Variants in ATP6V0A4 observed in about 807,000 individuals in gnomAD.
ATP6V0A4 encodes V-type proton ATPase 116 kDa subunit a 4.
A neutral mutation model predicts 107.3 loss-of-function variants in ATP6V0A4; 86 were observed. That is an observed-to-expected ratio of 0.80 (90% confidence interval 0.67 to 0.96). The LOEUF (loss-of-function observed/expected upper bound fraction) is 0.96. Among genes scored for constraint, ATP6V0A4 ranks in the 40% least tolerant of loss-of-function variants. The pLI, the probability that ATP6V0A4 is intolerant of heterozygous loss-of-function variation, is 0.00. For synonymous variants in ATP6V0A4, 353 were observed against 381.4 expected (o/e 0.93, Z 0.87); for missense variants, 908 against 1,045.6 (o/e 0.87, Z 1.81).
At chr7:138,769,477 G>A (rs542834157) in intron 3 of ATP6V0A4, among the ~76,000 whole-genome samples, 1 of 152,004 alleles carries the variant, frequency 6.6e-6, no homozygotes, top group Admixed American at 6.6e-5. Flanking sequence ...ACCACGCCTG[G>A]CTAATTTTTG....
chr7:138,757,319 C>G (rs757944389), intron 8 of ATP6V0A4, among the ~76,000 whole-genome samples: 16 of 152,032 alleles, frequency 1.1e-4, no homozygotes, highest in Non-Finnish European at 1.6e-4. Flanking sequence ...GGTTCAAGAC[C>G]AGCCTGGGCA....
intron 2 of ATP6V0A4, among the ~76,000 whole-genome samples, chr7:138,785,190 T>G (rs999956612): frequency 2.0e-5 from 3 of 152,340 alleles, no homozygotes; most frequent in African/African-American, 7.2e-5. Context: ...CATCTGATTT[T>G]TCTGAACTGA....
chr7:138,794,874 C>T (rs1029359622), intron 1 of ATP6V0A4, among the ~76,000 whole-genome samples: 3 of 150,006 alleles, frequency 2.0e-5, no homozygotes, highest in Admixed American at 6.8e-5. Flanking sequence ...TAATAGTTAT[C>T]ATTGGCCAGT....
At position 138,773,447 on chromosome 7, in the gene ATP6V0A4, C is replaced by A. The variant is rs941211033; in HGVS notation, c.-17-2183G>T. Among the ~76,000 whole-genome samples, 1 of 152,148 alleles carries A rather than the reference C, an allele frequency of 6.6e-6. No homozygotes were observed. The stretch of plus-strand genomic sequence containing the variant: ...TCCAGCTCCCTCAAGGAGCTAAGCC[C>A]CCTCCTACATGCCCCCAGAAGAGCA... On this transcript the variant is annotated intron_variant, in intron 2 of 21. Transcript: ENST00000310018. The surrounding 1 kb of genome is among the most constrained non-coding windows in gnomAD (Gnocchi z 5.4).
At chr7:138,706,889 A>AATTTTTTTTTTTTT in intron 21 of ATP6V0A4, 172 bp from the exon 22 acceptor site, 1 of 207,152 alleles carries the variant, frequency 4.8e-6, no homozygotes, top group South Asian at 2.0e-4. Flanking sequence ...AATCCTGAGG[A>AATTTTTTTTTTTTT]TTTTTTTTTT....
chr7:138,782,936 G>A (rs747446340), intron 2 of ATP6V0A4, among the ~76,000 whole-genome samples: 2 of 152,030 alleles, frequency 1.3e-5, no homozygotes, highest in African/African-American at 2.4e-5. Context: ...TTAGCTGGGC[G>A]TGGTAGCAGA....
intron 18 of ATP6V0A4, 131 bp downstream of exon 18, chr7:138,728,630 C>T (rs991243231): frequency 8.2e-6 from 10 of 1,225,702 alleles, no homozygotes; most frequent in East Asian, 2.3e-5. Flanking sequence ...ATACTCAGGG[C>T]GGGTCAGTTC....
At chr7:138,757,986 C>A (rs1453525524) in intron 8 of ATP6V0A4, among the ~76,000 whole-genome samples, 1 of 152,180 alleles carries the variant, frequency 6.6e-6, no homozygotes, top group Non-Finnish European at 1.5e-5. Context: ...GGAGTCTACC[C>A]TGGTCCTTTT....
intron 5 of ATP6V0A4, 112 bp downstream of exon 5, chr7:138,768,660 GCCTGCCTC>G: frequency 7.9e-7 from 1 of 1,260,320 alleles, no homozygotes; most frequent in South Asian, 1.5e-5. Flanking sequence ...GACCATGCAG[GCCTGCCTC>G]CCTGCCTTCA....
intron 21 of ATP6V0A4, among the ~76,000 whole-genome samples, chr7:138,708,646 GT>G (rs1803574036): frequency 6.6e-6 from 1 of 152,182 alleles, no homozygotes; most frequent in Admixed American, 6.5e-5. Flanking sequence ...ACGGCTGATT[GT>G]CACTGGATAC....
At position 138,706,325 on chromosome 7, in the gene ATP6V0A4, C is replaced by A; in HGVS notation, c.*299G>T. On this transcript the variant is annotated 3_prime_UTR_variant, in exon 22 of 22. Coordinates refer to ENST00000310018, the MANE Select transcript of ATP6V0A4 (RefSeq NM_020632.3). ...ACTCAGATGTTTATTTTCTCAAATA[C>A]AATATTTAAAATATTGCAAGAAGAC... The A allele has an allele frequency of 2.6e-6, 1 of 380,342 alleles. No homozygotes were observed. The allele number at this position is 380,342 out of a possible 1,614,324, so 23.6% of individuals were successfully genotyped here. A position where few individuals can be genotyped will look rare whatever the true frequency, so the allele number is the denominator to read the frequency against.
chr7:138,767,845 C>T (rs1807172267), intron 5 of ATP6V0A4, among the ~76,000 whole-genome samples: 1 of 152,318 alleles, frequency 6.6e-6, no homozygotes, highest in East Asian at 1.9e-4. Flanking sequence ...CCTGTCCCCA[C>T]CATCTGCTCT....
intron 2 of ATP6V0A4, among the ~76,000 whole-genome samples, chr7:138,779,126 A>G: frequency 6.6e-6 from 1 of 152,088 alleles, no homozygotes. Flanking sequence ...GGATTGCTTG[A>G]GCCCAGGAGT....
intron 11 of ATP6V0A4, among the ~76,000 whole-genome samples, chr7:138,750,066 T>A (rs1806147226): frequency 6.6e-6 from 1 of 152,182 alleles, no homozygotes; most frequent in Admixed American, 6.5e-5. Context: ...GTTACTCTCC[T>A]GCTTTAAAAT....
chr7:138,753,978 G>A (rs544215929), intron 10 of ATP6V0A4, among the ~76,000 whole-genome samples: 44 of 152,194 alleles, frequency 2.9e-4, no homozygotes, highest in African/African-American at 1.0e-3. Flanking sequence ...TGAAGCCCTC[G>A]ACACAGCAGC....
chr7:138,743,429 G>C (rs1218318687), intron 14 of ATP6V0A4, among the ~76,000 whole-genome samples: 4 of 145,164 alleles, frequency 2.8e-5, no homozygotes, highest in African/African-American at 7.7e-5. Flanking sequence ...CTGTACTCTA[G>C]CCTGGGTGAC....
At chr7:138,756,403 C>T (rs371516063) in intron 9 of ATP6V0A4, 55 bp downstream of exon 9, 6 of 1,611,890 alleles carry the variant, frequency 3.7e-6, no homozygotes, top group South Asian at 2.2e-5. Context: ...TTGCACATCT[C>T]TTTATCTAAT....
In ATP6V0A4 at chr7:138,706,662, A is replaced by C. The variant is rs752038920; in HGVS notation, c.2485T>G (p.Ser829Ala). 6.2e-6 allele frequency: 10 copies of C among 1,613,820 alleles called. No homozygotes were observed. In the Admixed American group the frequency reaches 8.3e-5, roughly 13 times the overall value. ...GTGCCATCCAGGATGTGTTTAAAGG[A>C]GAATGGAGAAAACTTGTAACCATCC... ...VGDGYKFSPFSFKHILDGTAE... is the reference protein window; with the variant it reads ...VGDGYKFSPFAFKHILDGTAE... The change falls in exon 22 of 22, where the codon TCC becomes GCC. Residue 829 changes from serine to alanine, a missense_variant. Ser to Ala is a moderately conservative substitution (Grantham distance 99). Transcript: ENST00000310018.
intron 12 of ATP6V0A4, among the ~76,000 whole-genome samples, chr7:138,748,209 C>A (rs1048008700): frequency 1.1e-4 from 16 of 152,044 alleles, no homozygotes; most frequent in African/African-American, 3.9e-4. Flanking sequence ...TTTCTATACT[C>A]TTCTCCACAC....
Sources: gnomAD v4.1 joint callset for allele counts (sites outside exome capture counted in the v4.1 genomes callset) on GRCh38, gnomAD v4.1.1 for gene constraint, Gnocchi (gnomAD v3.1) non-coding constraint, MANE v1.5 for transcripts, NCBI Gene and HGNC (gene_info 2026-07-23, HGNC 2026-07-21) for gene names.